MYT1L: variants seen among roughly 807,000 people sequenced by gnomAD.
MYT1L encodes the protein myelin transcription factor 1 like.
MYT1L carries 12 observed loss-of-function variants against 126.7 expected under a neutral mutation model. That is an observed-to-expected ratio of 0.09 (90% confidence interval 0.06 to 0.15). MYT1L has a LOEUF of 0.15. Ranked by LOEUF, MYT1L falls within the 10% of genes least tolerant of loss-of-function variation. MYT1L has a pLI of 1.00. For synonymous variants in MYT1L, 541 were observed against 604.2 expected, an observed-to-expected ratio of 0.90 and a Z score of 1.53; for missense variants, 979 against 1,585.2, an observed-to-expected ratio of 0.62 and a Z score of 6.49.
chr2:2,082,176 G>A (rs943274952), intron 3 of MYT1L, among the ~76,000 whole-genome samples: 6 of 152,178 alleles, frequency 3.9e-5, no homozygotes, highest in Admixed American at 6.5e-5. Flanking sequence ...GAACTTATGT[G>A]TGTATAGCAT....
intron 2 of MYT1L, among the ~76,000 whole-genome samples, chr2:2,202,342 T>G (rs981992116): frequency 6.6e-6 from 1 of 152,082 alleles, no homozygotes; most frequent in Admixed American, 6.6e-5. Context: ...AGCTGGTTTT[T>G]TGAAAAGATC....
intron 3 of MYT1L, among the ~76,000 whole-genome samples, chr2:2,095,655 G>A (rs1477748530): frequency 2.0e-5 from 3 of 152,120 alleles, no homozygotes; most frequent in Admixed American, 6.5e-5. Context: ...GTGAGTGTCT[G>A]CCTGTGGCTT....
At chr2:2,230,712 C>T (rs1405321257) in intron 2 of MYT1L, among the ~76,000 whole-genome samples, 10 of 152,266 alleles carry the variant, frequency 6.6e-5, no homozygotes, top group South Asian at 2.1e-4. Flanking sequence ...CTGATGTTGC[C>T]GGGGGCTCTG....
intron 2 of MYT1L, among the ~76,000 whole-genome samples, chr2:2,205,277 A>T (rs188896874): frequency 4.2e-4 from 60 of 144,142 alleles, no homozygotes; most frequent in Middle Eastern, 3.4e-3. Flanking sequence ...TAATAAAATT[A>T]AAAAAACTAT....
chr2:2,037,917 C>T (rs2067066593), intron 4 of MYT1L, among the ~76,000 whole-genome samples: 1 of 152,104 alleles, frequency 6.6e-6, no homozygotes, highest in African/African-American at 2.4e-5. Flanking sequence ...CCTCAAATCA[C>T]TGTGTAACCT....
rs1574186484 is a variant in MYT1L, at chr2:1,979,904, G to A, written c.1-127C>T. 4 of 930,978 alleles carry A rather than the reference G, an allele frequency of 4.3e-6. No homozygotes were observed. The highest frequency in any genetic ancestry group is 2.8e-4 in the Middle Eastern group (1 of 3,586). The allele number at this position is 930,978 out of a possible 1,614,324, so 57.7% of individuals were successfully genotyped here. On this transcript the variant is annotated intron_variant, in intron 5 of 24. Coordinates refer to ENST00000647738, the MANE Select transcript of MYT1L (RefSeq NM_001303052.2). This position sits in a 1 kb window ranked among gnomAD's most constrained non-coding sequence, Gnocchi z 4.0. ...ATCCTGTTTCCCTCCATGAAGGGAA[G>A]CCCTCTACAAGGGCAGGGGGTAAGA...
chr2:2,160,627 T>C (rs1559183199), intron 3 of MYT1L, among the ~76,000 whole-genome samples: 1 of 152,110 alleles, frequency 6.6e-6, no homozygotes, highest in Non-Finnish European at 1.5e-5. Context: ...CAACCAGACA[T>C]TGCACGCCAT....
chr2:2,250,881 T>G (rs2094629193), intron 2 of MYT1L, among the ~76,000 whole-genome samples: 1 of 152,234 alleles, frequency 6.6e-6, no homozygotes. Flanking sequence ...TTATTCTCTT[T>G]AAAGATCCTA....
Position 1,887,709 on chromosome 2 carries a change from CCT to C in MYT1L, c.2521-102_2521-101del. 1 of 1,367,256 alleles carries C rather than the reference CCT, an allele frequency of 7.3e-7. No homozygotes were observed. The highest frequency in any genetic ancestry group is 1.0e-6 in the Non-Finnish European group (1 of 973,356). 84.7% of individuals were successfully genotyped at this position (1,367,256 alleles called of 1,614,324 possible). On this transcript the variant is annotated intron_variant, in intron 16 of 24. Coordinates refer to ENST00000647738, the MANE Select transcript of MYT1L (RefSeq NM_001303052.2). The surrounding 1 kb of genome is among the most constrained non-coding windows in gnomAD (Gnocchi z 4.8). Reference sequence around the variant, plus strand: ...TCTGGGGTGGCCTCTACATCTTACACCTCTTTCTGCTGTACCTTTAAGATCCT... The same window carrying C: ...TCTGGGGTGGCCTCTACATCTTACACCTTTCTGCTGTACCTTTAAGATCCT...
chr2:1,879,874 T>A (rs919241576), intron 18 of MYT1L, among the ~76,000 whole-genome samples: 3 of 152,248 alleles, frequency 2.0e-5, no homozygotes, highest in Non-Finnish European at 2.9e-5. Flanking sequence ...TTTGAAAGTA[T>A]GCAATACAAT....
At chr2:1,945,864 A>G (rs929572044) in intron 8 of MYT1L, among the ~76,000 whole-genome samples, 6 of 152,194 alleles carry the variant, frequency 3.9e-5, no homozygotes, top group Admixed American at 3.3e-4. Flanking sequence ...TGTTTCTTCT[A>G]TCAATACTTC....
chr2:2,058,508 G>A (rs1026506644), intron 3 of MYT1L, among the ~76,000 whole-genome samples: 3 of 152,084 alleles, frequency 2.0e-5, no homozygotes, highest in South Asian at 2.1e-4. Context: ...CTTTCCCCAC[G>A]GAAAAGCTAC....
intron 21 of MYT1L, among the ~76,000 whole-genome samples, chr2:1,830,707 A>G (rs1472568833): frequency 2.6e-5 from 4 of 152,142 alleles, no homozygotes; most frequent in African/African-American, 9.7e-5. Context: ...TCCCAGAGAC[A>G]GGAGGAAGGC....
At chr2:2,255,969 T>C (rs186896640) in intron 2 of MYT1L, among the ~76,000 whole-genome samples, 1 of 152,266 alleles carries the variant, frequency 6.6e-6, no homozygotes, top group East Asian at 1.9e-4. Context: ...CCCTGGTACT[T>C]TTCTGCAGCT....
At chr2:1,907,955 C>G (rs967971354) in intron 13 of MYT1L, among the ~76,000 whole-genome samples, 1 of 152,258 alleles carries the variant, frequency 6.6e-6, no homozygotes, top group African/African-American at 2.4e-5. Flanking sequence ...CCTCCCTGAA[C>G]AACCAGGAAT....
chr2:2,122,724 G>T (rs949971087), intron 3 of MYT1L, among the ~76,000 whole-genome samples: 5 of 152,086 alleles, frequency 3.3e-5, no homozygotes, highest in African/African-American at 9.7e-5. Flanking sequence ...CACAGAGAAC[G>T]CTGGGTTGGC....
At chr2:2,162,051 G>C (rs1170707560) in intron 3 of MYT1L, among the ~76,000 whole-genome samples, 4 of 152,138 alleles carry the variant, frequency 2.6e-5, no homozygotes, top group Non-Finnish European at 5.9e-5. Flanking sequence ...TCACAGACCA[G>C]TGTTTCCGGC....
rs1023115503 is a variant in MYT1L, at chr2:2,116,211, C to T, written c.-304+56661G>A. Among the ~76,000 whole-genome samples the T allele has an allele frequency of 3.3e-5, 5 of 152,202 alleles. No individual in the cohort carries two copies. In the East Asian group the frequency reaches 5.8e-4, roughly 18 times the overall value. On this transcript the variant is annotated intron_variant, in intron 3 of 24. Transcript: ENST00000647738. ...GACTGGAATGCTGCGGAGGAGATGCCTTTGTCCTTGTTTGCCTTCTGGAAG... is the reference window on the plus strand; with the variant it reads ...GACTGGAATGCTGCGGAGGAGATGCTTTTGTCCTTGTTTGCCTTCTGGAAG...
At chr2:1,996,950 G>A (rs1004577147) in intron 5 of MYT1L, among the ~76,000 whole-genome samples, 1 of 147,378 alleles carries the variant, frequency 6.8e-6, no homozygotes, top group Non-Finnish European at 1.5e-5. Context: ...CCCTGCCTCA[G>A]TGTGGGCTGC....
Sources: gnomAD v4.1 joint callset for allele counts (sites outside exome capture counted in the v4.1 genomes callset) on GRCh38, gnomAD v4.1.1 for gene constraint, Gnocchi (gnomAD v3.1) non-coding constraint, MANE v1.5 for transcripts, NCBI Gene and HGNC (gene_info 2026-07-23, HGNC 2026-07-21) for gene names.